AKT3: variants seen among roughly 807,000 people sequenced by gnomAD.
AKT3 encodes the protein RAC-gamma serine/threonine-protein kinase.
In AKT3, 15 loss-of-function variants were observed where a neutral mutation model predicts 65.3. The observed-to-expected ratio is 0.23, with a 90% CI of 0.15 to 0.35. The LOEUF is 0.35. AKT3 is among the 10% of genes least tolerant of loss of function. The pLI, the probability that AKT3 is intolerant of heterozygous loss-of-function variation, is 1.00. For missense variants in AKT3, 243 were observed against 576.5 expected (o/e 0.42, Z 5.92); for synonymous variants, 206 against 183.8 (o/e 1.12, Z -0.98).
intron 12 of AKT3, among the ~76,000 whole-genome samples, chr1:243,535,819 T>A (rs1671887018): frequency 6.6e-6 from 1 of 152,222 alleles, no homozygotes; most frequent in Admixed American, 6.5e-5. Context: ...ACAGAGGTTG[T>A]ACTAATTTAC....
intron 2 of AKT3, among the ~76,000 whole-genome samples, chr1:243,701,309 G>A (rs949939446): frequency 6.6e-6 from 1 of 152,184 alleles, no homozygotes; most frequent in South Asian, 2.1e-4. Context: ...TCATGTTGAT[G>A]AATATCTGAT....
chr1:243,495,794 T>G (rs1667705330), downstream of AKT3, among the ~76,000 whole-genome samples: 1 of 152,178 alleles, frequency 6.6e-6, no homozygotes, highest in Admixed American at 6.5e-5. Context: ...GAGCCAGAGC[T>G]CACGTGGCTT....
chr1:243,738,055 C>G (rs1278255525), intron 2 of AKT3, among the ~76,000 whole-genome samples: 2 of 152,192 alleles, frequency 1.3e-5, no homozygotes, highest in Non-Finnish European at 2.9e-5. Flanking sequence ...TGACTAGACT[C>G]TTCACCAAAA....
At chr1:243,638,685 A>G (rs1249039489) in intron 5 of AKT3, among the ~76,000 whole-genome samples, 1 of 152,168 alleles carries the variant, frequency 6.6e-6, no homozygotes. Context: ...AATATCAAAT[A>G]AGTATTTGGG....
At chr1:243,840,715 T>A (rs79117844) in intron 2 of AKT3, among the ~76,000 whole-genome samples, 3 of 32,234 alleles carry the variant, frequency 9.3e-5, no homozygotes, top group African/African-American at 1.7e-4. Context: ...GAAAAGCTAA[T>A]TTTTTTTTTT....
At chr1:243,693,474 C>T (rs1216159698) in intron 3 of AKT3, among the ~76,000 whole-genome samples, 1 of 151,518 alleles carries the variant, frequency 6.6e-6, no homozygotes, top group Non-Finnish European at 1.5e-5. Flanking sequence ...TTCTTCTTCT[C>T]TGTTTTAATT....
chr1:243,612,553 A>G (rs922015722), intron 8 of AKT3: 3 of 154,542 alleles, frequency 1.9e-5, no homozygotes, highest in African/African-American at 7.2e-5. Flanking sequence ...ACAAGACCCT[A>G]TTTAATAATT....
chr1:243,515,184 C>A (rs1018157629), intron 12 of AKT3, among the ~76,000 whole-genome samples: 1 of 152,196 alleles, frequency 6.6e-6, no homozygotes, highest in Non-Finnish European at 1.5e-5. Context: ...AATGGACACA[C>A]TCATCTGTCA....
intron 2 of AKT3, among the ~76,000 whole-genome samples, chr1:243,824,077 T>C (rs6665170): frequency 0.83 from 126,536 of 152,030 alleles, 52,806 homozygotes; most frequent in Non-Finnish European, 0.86. Flanking sequence ...ACCAACGGAA[T>C]AAAATAGAAA....
chr1:243,584,507 T>G (rs1390079161), intron 8 of AKT3, among the ~76,000 whole-genome samples: 4 of 152,148 alleles, frequency 2.6e-5, no homozygotes, highest in Non-Finnish European at 5.9e-5. Context: ...CACAGGACTA[T>G]ATCCCTGATG....
At chr1:243,624,961 C>T in intron 6 of AKT3, 1 of 299,272 alleles carries the variant, frequency 3.3e-6, no homozygotes, top group Non-Finnish European at 7.0e-6. Flanking sequence ...TCCACATTTC[C>T]CACCTGCCTA....
Position 243,629,415 on chromosome 1 carries a change from GA to G in AKT3, c.561+8195del, listed in dbSNP as rs1679431823. Among the ~76,000 whole-genome samples, 3 of 152,152 alleles carry G rather than the reference GA, an allele frequency of 2.0e-5. No individual in the cohort carries two copies. The South Asian group carries it at 6.2e-4, about 32-fold the overall frequency. On this transcript the variant is annotated intron_variant, in intron 6 of 13. Transcript: ENST00000673466. The stretch of plus-strand genomic sequence containing the variant: ...TGGTCATCAAAAGAACTTCTTTCAG[GA>G]TCAGGAGATGACTGGAACCAGCAAG...
chr1:243,490,617 C>A (rs1442175245), intron 13 of AKT3, among the ~76,000 whole-genome samples: 1 of 152,252 alleles, frequency 6.6e-6, no homozygotes, highest in Non-Finnish European at 1.5e-5. Flanking sequence ...GCATGGTGCA[C>A]GCCTGGCTTC....
At chr1:243,748,894 A>C (rs2148201937) in intron 2 of AKT3, among the ~76,000 whole-genome samples, 1 of 152,236 alleles carries the variant, frequency 6.6e-6, no homozygotes, top group East Asian at 1.9e-4. Flanking sequence ...TCTAGTGGCA[A>C]CTCCATTGAA....
intron 2 of AKT3, among the ~76,000 whole-genome samples, chr1:243,840,275 G>C (rs1244917026): frequency 6.6e-6 from 1 of 152,082 alleles, no homozygotes; most frequent in Non-Finnish European, 1.5e-5. Flanking sequence ...AGTACAAAGA[G>C]AGCGTAAGAA....
intron 2 of AKT3, among the ~76,000 whole-genome samples, chr1:243,702,548 G>GC (rs1246129561): frequency 6.6e-6 from 1 of 152,102 alleles, no homozygotes; most frequent in Non-Finnish European, 1.5e-5. Flanking sequence ...TTGGTTGTTA[G>GC]CAAGTGATAC....
intron 4 of AKT3, among the ~76,000 whole-genome samples, chr1:243,646,392 T>C (rs577774114): frequency 1.9e-4 from 29 of 152,214 alleles, no homozygotes; most frequent in Admixed American, 9.8e-4. Flanking sequence ...TCTCACTCTG[T>C]TGCCCAAGCT....
intron 2 of AKT3, among the ~76,000 whole-genome samples, chr1:243,744,941 ATT>A (rs1249340496): frequency 6.6e-6 from 1 of 151,940 alleles, no homozygotes; most frequent in East Asian, 1.9e-4. Context: ...AAAAAAAAAA[ATT>A]GTTTTAATTT....
At position 243,811,042 on chromosome 1, in the gene AKT3, T is replaced by C. The variant is rs1005212186; in HGVS notation, c.46+32083A>G. Among the ~76,000 whole-genome samples the C allele has an allele frequency of 6.3e-4, 96 of 152,206 alleles. 1 individual carries two copies. The highest frequency in any genetic ancestry group is 2.2e-3 in the African/African-American group (90 of 41,520). ...CGTATCTCAAAATAATAAGAGCTAT[T>C]TATGAGAAACCCACAGCCAATATCA... On this transcript the variant is annotated intron_variant, in intron 2 of 13. Coordinates refer to ENST00000673466, the MANE Select transcript of AKT3 (RefSeq NM_005465.7).
Sources: gnomAD v4.1 joint callset for allele counts (sites outside exome capture counted in the v4.1 genomes callset) on GRCh38, gnomAD v4.1.1 for gene constraint, MANE v1.5 for transcripts, NCBI Gene and HGNC (gene_info 2026-07-23, HGNC 2026-07-21) for gene names.